Variants in MPDZ observed in about 807,000 individuals in gnomAD.
MPDZ encodes multiple PDZ domain crumbs cell polarity complex component.
A neutral mutation model predicts 239.1 loss-of-function variants in MPDZ; 234 were observed. That is an observed-to-expected ratio of 0.98 (90% CI 0.88 to 1.09). MPDZ has a LOEUF of 1.09. Ranked by LOEUF, MPDZ falls within the 50% of genes least tolerant of loss-of-function variation. The pLI is 0.00. For missense variants in MPDZ, 3,175 were observed against 2,510.0 expected (o/e 1.26, Z -5.66); for synonymous variants, 1,048 against 881.3 (o/e 1.19, Z -3.35).
chr9:13,259,066 T>C (rs1970070873), intron 1 of MPDZ, among the ~76,000 whole-genome samples: 1 of 151,376 alleles, frequency 6.6e-6, no homozygotes, highest in African/African-American at 2.4e-5. Flanking sequence ...CAAACTTAAT[T>C]TGGACATCTG....
intron 23 of MPDZ, among the ~76,000 whole-genome samples, chr9:13,160,805 CT>C (rs1250399732): frequency 2.8e-5 from 3 of 106,302 alleles, no homozygotes; most frequent in African/African-American, 6.8e-5. Context: ...CATGTGCAGA[CT>C]TTTTTTTCTT....
At chr9:13,206,863 G>C (rs1328705340) in intron 10 of MPDZ, among the ~76,000 whole-genome samples, 1 of 152,022 alleles carries the variant, frequency 6.6e-6, no homozygotes, top group Non-Finnish European at 1.5e-5. Flanking sequence ...AAAATTTGTA[G>C]AGATGGGGTC....
Position 13,112,051 on chromosome 9 carries a change from T to A in MPDZ, c.5697A>T (p.Gly1899=), listed in dbSNP as rs1175186749. Reference sequence around the variant, plus strand: ...TGAGTTTTTGGGTCTGTGCTGCAACTCCAGTTGGGTGCATCATTGCAATAA... The same window carrying A: ...TGAGTTTTTGGGTCTGTGCTGCAACACCAGTTGGGTGCATCATTGCAATAA... ...PIFIAMMHPT[G]VAAQTQKLRV... Residue 1899 remains glycine (G), a synonymous_variant, in exon 43 of 47, where the codon GGA becomes GGT. Coordinates refer to ENST00000319217, the MANE Select transcript of MPDZ (RefSeq NM_001378778.1). 1 of 1,613,554 alleles carries A rather than the reference T, an allele frequency of 6.2e-7. No homozygotes were observed. The highest frequency in any genetic ancestry group is 1.3e-5 in the African/African-American group (1 of 74,928).
At chr9:13,131,515 C>G (rs534771694) in intron 32 of MPDZ, among the ~76,000 whole-genome samples, 8 of 152,062 alleles carry the variant, frequency 5.3e-5, no homozygotes, top group Non-Finnish European at 1.0e-4. Context: ...CACCTTGAAG[C>G]GAAACCGCCA....
chr9:13,192,260 T>C lies in MPDZ; in HGVS notation c.1839A>G (p.Gln613=). The C allele has an allele frequency of 6.2e-7, 1 of 1,603,380 alleles. No individual in the cohort carries two copies. Residue 613 remains glutamine (Q), a synonymous_variant, in exon 15 of 47, where the codon CAA becomes CAG. Transcript: ENST00000319217. ...GTTCTTTTAAGATATTCACCACATC[T>C]TGGTGATTTTCCCCAAGTAAAGTTA... The part of the protein sequence containing the change: ...NGITLLGENH[Q]DVVNILKELP...
chr9:13,247,617 G>C lies in MPDZ; in HGVS notation c.183+18C>G, dbSNP rs1167750123. Reference sequence around the variant, plus strand: ...TATGCCATGTCGTGAATGCCTGCTTGGGTGAATGATGTCCTACCTGGTCTT... The same window carrying C: ...TATGCCATGTCGTGAATGCCTGCTTCGGTGAATGATGTCCTACCTGGTCTT... On this transcript the variant is annotated intron_variant, in intron 3 of 46. Coordinates refer to ENST00000319217, the MANE Select transcript of MPDZ (RefSeq NM_001378778.1). 4.4e-6 allele frequency: 7 copies of C among 1,598,366 alleles called. No homozygotes were observed. Among genetic ancestry groups the C allele is most frequent in the Non-Finnish European group, 6.0e-6 (7 of 1,168,212 alleles).
intron 2 of MPDZ, 88 bp downstream of exon 2, chr9:13,250,212 C>A: frequency 8.0e-7 from 1 of 1,243,228 alleles, no homozygotes; most frequent in South Asian, 1.4e-5. Context: ...AGACAGAATC[C>A]TGCTATGTTA....
At chr9:13,154,203 C>T (rs547644434) in intron 24 of MPDZ, among the ~76,000 whole-genome samples, 12 of 152,036 alleles carry the variant, frequency 7.9e-5, no homozygotes, top group Non-Finnish European at 1.5e-4. Flanking sequence ...GACAGAACTG[C>T]CAAAATGACA....
chr9:13,159,462 A>G, intron 23 of MPDZ, among the ~76,000 whole-genome samples: 1 of 152,136 alleles, frequency 6.6e-6, no homozygotes, highest in Admixed American at 6.6e-5. Flanking sequence ...TTGACAGAGA[A>G]ATAGTAAAAG....
chr9:13,147,434 T>C, intron 26 of MPDZ, 114 bp downstream of exon 26: 1 of 753,030 alleles, frequency 1.3e-6, no homozygotes, highest in Admixed American at 2.3e-5. Context: ...ACAAGTCTCC[T>C]GAGATTTGAA....
chr9:13,216,618 A>G (rs1468747380), intron 10 of MPDZ, among the ~76,000 whole-genome samples, 156 bp downstream of exon 10: 1 of 151,986 alleles, frequency 6.6e-6, no homozygotes, highest in Non-Finnish European at 1.5e-5. Context: ...TACTTCCACA[A>G]AATAATAGAA....
intron 34 of MPDZ, among the ~76,000 whole-genome samples, 151 bp from the exon 35 acceptor site, chr9:13,125,541 G>A (rs956943163): frequency 2.6e-5 from 4 of 152,186 alleles, no homozygotes; most frequent in African/African-American, 7.2e-5. Flanking sequence ...CTTGGGTAAA[G>A]AAAGAAATGG....
chr9:13,207,832 A>C (rs1957169276), intron 10 of MPDZ, among the ~76,000 whole-genome samples: 1 of 152,220 alleles, frequency 6.6e-6, no homozygotes, highest in Non-Finnish European at 1.5e-5. Context: ...CATAGGTCAA[A>C]AACTTATTTG....
intron 3 of MPDZ, among the ~76,000 whole-genome samples, chr9:13,225,074 C>T (rs1960113710): frequency 6.6e-6 from 1 of 151,966 alleles, no homozygotes; most frequent in Admixed American, 6.6e-5. Flanking sequence ...TATGAAATAA[C>T]ACGCCAATAA....
At position 13,186,329 on chromosome 9, in the gene MPDZ, G is replaced by A. The variant is rs767244737; in HGVS notation, c.2422C>T (p.His808Tyr). Reference protein sequence around the residue: ...AKEDSFLYPPHSCEEAGLADK... With the variant: ...AKEDSFLYPPYSCEEAGLADK... ...GCCAGCCCTGCTTCCTCACAGGAGTGTGGTGGGTAGAGAAAGGAATCCTCC... is the reference window on the plus strand; with the variant it reads ...GCCAGCCCTGCTTCCTCACAGGAGTATGGTGGGTAGAGAAAGGAATCCTCC... Residue 808 changes from histidine to tyrosine, a missense_variant, in exon 18 of 47, where the codon CAC (histidine) becomes TAC (tyrosine). His to Tyr is a moderately conservative substitution (Grantham distance 83). Transcript: ENST00000319217. The A allele has an allele frequency of 1.3e-6, 2 of 1,595,680 alleles. No individual in the cohort carries two copies. The highest frequency in any genetic ancestry group is 2.3e-5 in the East Asian group (1 of 44,038).
At chr9:13,260,587 G>T (rs1970460895) in intron 1 of MPDZ, among the ~76,000 whole-genome samples, 1 of 152,120 alleles carries the variant, frequency 6.6e-6, no homozygotes, top group Non-Finnish European at 1.5e-5. Flanking sequence ...GACTGATTTT[G>T]GAAACAGGTC....
intron 1 of MPDZ, among the ~76,000 whole-genome samples, chr9:13,261,326 T>C (rs1387249548): frequency 6.6e-6 from 1 of 152,216 alleles, no homozygotes; most frequent in African/African-American, 2.4e-5. Context: ...GCACAATCAC[T>C]GATCTCCATT....
intron 10 of MPDZ, among the ~76,000 whole-genome samples, chr9:13,212,719 T>C (rs75487929): frequency 1.0e-3 from 150 of 143,648 alleles, no homozygotes; most frequent in Middle Eastern, 3.9e-3. Context: ...ATACCTGTAA[T>C]CACAGCACTT....
intron 26 of MPDZ, among the ~76,000 whole-genome samples, chr9:13,146,814 T>C (rs1948497890): frequency 6.6e-6 from 1 of 152,116 alleles, no homozygotes; most frequent in African/African-American, 2.4e-5. Context: ...GGCATAATTT[T>C]CATCTTCAGC....
Sources: allele counts gnomAD v4.1 joint callset (sites outside exome capture counted in the v4.1 genomes callset), GRCh38; gene constraint gnomAD v4.1.1; transcripts MANE v1.5; gene names NCBI Gene and HGNC (gene_info 2026-07-23, HGNC 2026-07-21).